MORC4: variants seen among roughly 807,000 people sequenced by gnomAD.
MORC4 encodes the protein MORC family CW-type zinc finger protein 4.
In MORC4, 22 loss-of-function variants were observed where a neutral mutation model predicts 65.5. The ratio of observed to expected loss-of-function variants is 0.34; its 90% CI spans 0.24 to 0.48. MORC4 has a LOEUF of 0.48. Ranked by LOEUF, MORC4 falls within the 20% of genes least tolerant of loss-of-function variation. MORC4 has a pLI of 0.99. For synonymous variants in MORC4, 267 were observed against 255.8 expected, an observed-to-expected ratio of 1.04 and a Z score of -0.42; for missense variants, 624 against 703.0, an observed-to-expected ratio of 0.89 and a Z score of 1.27.
intron 2 of MORC4, among the ~76,000 whole-genome samples, 185 bp downstream of exon 2, chrX:106,999,492 C>T (rs1240257189): frequency 1.8e-5 from 2 of 112,091 alleles, no homozygotes; most frequent in African/African-American, 6.5e-5. Context: ...GTTTTATGAG[C>T]GGAACCTAGT....
chrX:106,960,815 T>C (rs771071470), intron 10 of MORC4, among the ~76,000 whole-genome samples: 1 of 112,408 alleles, frequency 8.9e-6, no homozygotes, highest in South Asian at 3.7e-4. Flanking sequence ...TAAGCTGAGA[T>C]CTTCAGAATA....
At chrX:106,944,238 T>C (rs1933769444) in intron 14 of MORC4, among the ~76,000 whole-genome samples, 1 of 112,016 alleles carries the variant, frequency 8.9e-6, no homozygotes, top group African/African-American at 3.2e-5. Flanking sequence ...TCTTCAGAAA[T>C]ACAACTGATC....
At chrX:106,945,694 T>C (rs1368936654) in intron 14 of MORC4, among the ~76,000 whole-genome samples, 8 of 111,495 alleles carry the variant, frequency 7.2e-5, no homozygotes, top group Non-Finnish European at 1.5e-4. Context: ...TATTCACTCA[T>C]TGAGTAGAGA....
At chrX:106,988,171 T>C (rs1310369118) in intron 3 of MORC4, among the ~76,000 whole-genome samples, 3 of 112,164 alleles carry the variant, frequency 2.7e-5, no homozygotes, top group Admixed American at 9.5e-5. Context: ...TCTTCATAAA[T>C]AGTAATCTTA....
intron 4 of MORC4, 34 bp from the exon 5 acceptor site, chrX:106,985,277 T>C (rs756982978): frequency 2.9e-6 from 3 of 1,037,061 alleles, no homozygotes; most frequent in African/African-American, 3.7e-5. Flanking sequence ...AAAAATAATA[T>C]CTTAGGATGC....
intron 1 of MORC4, 29 bp from the exon 2 acceptor site, chrX:106,999,778 G>A (rs751126909): frequency 9.6e-7 from 1 of 1,041,550 alleles, no homozygotes; most frequent in Non-Finnish European, 1.2e-6. Context: ...CCCGACCCGC[G>A]TGAGGCCTCG....
intron 9 of MORC4, among the ~76,000 whole-genome samples, chrX:106,962,441 G>A (rs1934272167): frequency 8.9e-6 from 1 of 112,226 alleles, no homozygotes. Flanking sequence ...GGACCAAACT[G>A]CAGAGATAGG....
chrX:106,975,300 T>A (rs1478957159), intron 9 of MORC4, among the ~76,000 whole-genome samples: 1 of 111,771 alleles, frequency 8.9e-6, no homozygotes, highest in African/African-American at 3.2e-5. Flanking sequence ...CAAACTAATG[T>A]CATTCCTAAG....
At chrX:106,960,839 A>G (rs1287659002) in intron 10 of MORC4, among the ~76,000 whole-genome samples, 7 of 112,382 alleles carry the variant, frequency 6.2e-5, no homozygotes, top group Non-Finnish European at 1.3e-4. Flanking sequence ...AGAGGGTGAT[A>G]TACATACAGC....
intron 14 of MORC4, among the ~76,000 whole-genome samples, chrX:106,951,011 T>C (rs1164006552): frequency 8.9e-6 from 1 of 112,104 alleles, no homozygotes; most frequent in Non-Finnish European, 1.9e-5. Flanking sequence ...TTTTTAAATA[T>C]ATTTTTTCAA....
At chrX:106,943,229 G>C (rs770760037) in intron 14 of MORC4, 24 bp from the exon 15 acceptor site, 2 of 1,123,468 alleles carry the variant, frequency 1.8e-6, no homozygotes, top group Admixed American at 4.6e-5. Context: ...AAATTAAATT[G>C]TAAGCTGTCA....
intron 3 of MORC4, among the ~76,000 whole-genome samples, chrX:106,992,865 T>G (rs751528798): frequency 1.2e-4 from 13 of 112,031 alleles, no homozygotes; most frequent in Non-Finnish European, 2.4e-4. Context: ...GCCCCTTTAT[T>G]TAGCTGGTTA....
Position 106,941,377 on chromosome X carries a change from A to AGGGT in MORC4, c.*101_*102insACCC. The stretch of plus-strand genomic sequence containing the variant: ...TAAGGCATAAAGGTGAGGGTGAGAG[A>AGGGT]GAGAGAGAGAGAGAGAGAGAGAGAG... On this transcript the variant is annotated 3_prime_UTR_variant, in exon 17 of 17. Coordinates refer to ENST00000355610, the MANE Select transcript of MORC4 (RefSeq NM_024657.5). The AGGGT allele has an allele frequency of 6.3e-6, 1 of 159,240 alleles. No individual in the cohort carries two copies. Among genetic ancestry groups the AGGGT allele is most frequent in the Non-Finnish European group, 9.4e-6 (1 of 105,854 alleles). The allele number at this position is 159,240 out of a possible 1,213,427, so 13.1% of individuals were successfully genotyped here. A position where few individuals can be genotyped will look rare whatever the true frequency, so the allele number is the denominator to read the frequency against.
chrX:106,981,129 C>T, intron 6 of MORC4, 110 bp from the exon 7 acceptor site: 1 of 1,006,644 alleles, frequency 9.9e-7, no homozygotes. Context: ...AAAGATTTGG[C>T]TCAGTTTCTA....
At chrX:106,952,570 GT>G (rs1396348134) in intron 14 of MORC4, among the ~76,000 whole-genome samples, 1 of 111,891 alleles carries the variant, frequency 8.9e-6, no homozygotes, top group Non-Finnish European at 1.9e-5. Flanking sequence ...CCCCAAAAAG[GT>G]TATACCTGCT....
intron 14 of MORC4, among the ~76,000 whole-genome samples, chrX:106,946,767 C>G (rs993486051): frequency 8.9e-6 from 1 of 111,801 alleles, no homozygotes; most frequent in African/African-American, 3.3e-5. Context: ...CCCACCTCAG[C>G]CTTCCAAGTA....
At position 106,980,911 on chromosome X, in the gene MORC4, T is replaced by C. The variant is rs1301147645; in HGVS notation, c.916A>G (p.Thr306Ala). ...GATACTGTGAAGGTAGGTTTATATG[T>C]ATCATATTCTACATTGGCCAGGCTC... ...AKSLANVEYDTYKPTFTNKQV... is the reference protein window; with the variant it reads ...AKSLANVEYDAYKPTFTNKQV... Residue 306 changes from threonine to alanine, a missense_variant, in exon 7 of 17, where the codon ACA (threonine) becomes GCA (alanine). Coordinates refer to ENST00000355610, the MANE Select transcript of MORC4 (RefSeq NM_024657.5). 11 of 1,205,721 alleles carry C rather than the reference T, an allele frequency of 9.1e-6. No homozygotes were observed. The highest frequency in any genetic ancestry group is 1.2e-5 in the Non-Finnish European group (11 of 891,190).
intron 11 of MORC4, 72 bp downstream of exon 11, chrX:106,958,264 T>C (rs17253746): frequency 0.076 from 77,282 of 1,019,379 alleles, 2,577 homozygotes; most frequent in Non-Finnish European, 0.085. Flanking sequence ...GAACCTGAGA[T>C]GAAAAATGTT....
At chrX:106,968,642 C>CAAAAAAAAAAAAAAAA (rs1194053588) in intron 9 of MORC4, among the ~76,000 whole-genome samples, 2 of 17,959 alleles carry the variant, frequency 1.1e-4, no homozygotes, top group Non-Finnish European at 2.0e-4. Context: ...AAATGGAAAG[C>CAAAAAAAAAAAAAAAA]AAAAAAAAAA....
Sources: allele counts gnomAD v4.1 joint callset (sites outside exome capture counted in the v4.1 genomes callset), GRCh38; gene constraint gnomAD v4.1.1; transcripts MANE v1.5; gene names NCBI Gene and HGNC (gene_info 2026-07-23, HGNC 2026-07-21).